SLC39A11: variants seen among roughly 807,000 people sequenced by gnomAD.
The protein encoded by SLC39A11 is solute carrier family 39 member 11, also known as zinc transporter ZIP11.
In SLC39A11, 33 loss-of-function variants were observed where a neutral mutation model predicts 36.1. That is an observed-to-expected ratio of 0.91 (90% CI 0.69 to 1.22). The LOEUF is 1.22. Among genes scored for constraint, SLC39A11 ranks in the 50% most tolerant of loss-of-function variants. The pLI, the probability that SLC39A11 is intolerant of heterozygous loss-of-function variation, is 0.00. For missense variants in SLC39A11, 432 were observed against 430.3 expected (o/e 1.00, Z -0.03); for synonymous variants, 166 against 170.3 (o/e 0.97, Z 0.20).
chr17:72,888,493 T>C (rs912806739), intron 5 of SLC39A11, among the ~76,000 whole-genome samples: 5 of 152,180 alleles, frequency 3.3e-5, no homozygotes, highest in Admixed American at 1.3e-4. Flanking sequence ...CTGGAACCTC[T>C]TCCCTGACCT....
chr17:73,025,324 G>T (rs1337952331), intron 4 of SLC39A11, among the ~76,000 whole-genome samples: 2 of 152,140 alleles, frequency 1.3e-5, no homozygotes, highest in Admixed American at 1.3e-4. Context: ...AGGAGGGGGA[G>T]GGGAGCACAC....
chr17:72,900,596 G>C (rs2082344076), intron 5 of SLC39A11, among the ~76,000 whole-genome samples: 1 of 152,052 alleles, frequency 6.6e-6, no homozygotes, highest in Non-Finnish European at 1.5e-5. Context: ...TACAGTCACT[G>C]ACTGCTGGGT....
At chr17:72,945,735 C>G (rs1356283517) in intron 5 of SLC39A11, among the ~76,000 whole-genome samples, 1 of 152,216 alleles carries the variant, frequency 6.6e-6, no homozygotes, top group Non-Finnish European at 1.5e-5. Flanking sequence ...ACACACCTCA[C>G]TCCGCTACCA....
At chr17:72,735,218 A>G (rs1199926224) in intron 7 of SLC39A11, among the ~76,000 whole-genome samples, 1 of 152,166 alleles carries the variant, frequency 6.6e-6, no homozygotes, top group Non-Finnish European at 1.5e-5. Flanking sequence ...GGCTTCATGG[A>G]GCAGGCACGC....
At chr17:72,865,592 C>T (rs1020347389) in intron 5 of SLC39A11, among the ~76,000 whole-genome samples, 16 of 151,514 alleles carry the variant, frequency 1.1e-4, no homozygotes, top group Non-Finnish European at 1.8e-4. Context: ...AAAAAAAATA[C>T]GCTCCCATGA....
chr17:72,807,734 A>G (rs2077307515), intron 6 of SLC39A11, among the ~76,000 whole-genome samples: 1 of 152,250 alleles, frequency 6.6e-6, no homozygotes, highest in Non-Finnish European at 1.5e-5. Context: ...CATCTCTTCC[A>G]TCTGGCTGTT....
At chr17:72,713,937 G>T (rs2073222076) in intron 7 of SLC39A11, among the ~76,000 whole-genome samples, 1 of 152,152 alleles carries the variant, frequency 6.6e-6, no homozygotes, top group South Asian at 2.1e-4. Context: ...GAAGTGAAAT[G>T]ACATTTCAAA....
At chr17:72,699,139 T>C (rs2072482788) in intron 7 of SLC39A11, among the ~76,000 whole-genome samples, 1 of 152,140 alleles carries the variant, frequency 6.6e-6, no homozygotes, top group South Asian at 2.1e-4. Context: ...GGAGGTTGGT[T>C]CTTTGGGAGG....
intron 4 of SLC39A11, among the ~76,000 whole-genome samples, chr17:72,950,629 T>C (rs1432093506): frequency 6.6e-6 from 1 of 152,212 alleles, no homozygotes; most frequent in Non-Finnish European, 1.5e-5. Flanking sequence ...TTGTCTTCTT[T>C]CTTTTTATAA....
intron 6 of SLC39A11, among the ~76,000 whole-genome samples, chr17:72,741,466 A>G (rs1307741249): frequency 6.6e-6 from 1 of 152,214 alleles, no homozygotes; most frequent in Non-Finnish European, 1.5e-5. Flanking sequence ...ACAGTAATCA[A>G]TGATAGACTA....
chr17:72,726,632 G>A (rs2073945364), intron 7 of SLC39A11, among the ~76,000 whole-genome samples: 1 of 152,188 alleles, frequency 6.6e-6, no homozygotes, highest in African/African-American at 2.4e-5. Context: ...ACTAGCTAAT[G>A]TTGATGAATG....
chr17:72,735,017 C>T (rs2074366590), intron 7 of SLC39A11, among the ~76,000 whole-genome samples: 2 of 152,140 alleles, frequency 1.3e-5, no homozygotes, highest in Admixed American at 1.3e-4. Context: ...TGTGACGAGT[C>T]ATCATTAGCC....
intron 4 of SLC39A11, among the ~76,000 whole-genome samples, chr17:72,959,610 G>C (rs540491800): frequency 6.6e-6 from 1 of 151,534 alleles, no homozygotes; most frequent in East Asian, 1.9e-4. Flanking sequence ...CTACAAACAG[G>C]GTGCTGTATA....
chr17:73,026,057 G>T (rs1012474585), intron 4 of SLC39A11, among the ~76,000 whole-genome samples: 1 of 151,896 alleles, frequency 6.6e-6, no homozygotes, highest in Non-Finnish European at 1.5e-5. Flanking sequence ...GGCGGAGGTC[G>T]CAATGAGCCA....
intron 3 of SLC39A11, among the ~76,000 whole-genome samples, chr17:73,051,299 AT>A (rs2059490455): frequency 6.6e-6 from 1 of 152,136 alleles, no homozygotes; most frequent in East Asian, 1.9e-4. Context: ...ACTTGATTAA[AT>A]TTCCATGACA....
chr17:72,836,365 G>C (rs2078545116), intron 6 of SLC39A11, among the ~76,000 whole-genome samples: 1 of 148,778 alleles, frequency 6.7e-6, no homozygotes, highest in Non-Finnish European at 1.5e-5. Flanking sequence ...TTTTGAGACA[G>C]GGTCTCGCTC....
chr17:72,714,270 C>A (rs1056729465), intron 7 of SLC39A11, among the ~76,000 whole-genome samples: 6 of 152,148 alleles, frequency 3.9e-5, no homozygotes, highest in African/African-American at 9.6e-5. Context: ...GCGGGAGGAT[C>A]GCTTGAACCT....
At chr17:72,887,026 T>C (rs139636173) in intron 5 of SLC39A11, among the ~76,000 whole-genome samples, 280 of 152,342 alleles carry the variant, frequency 1.8e-3, no homozygotes, top group African/African-American at 5.8e-3. Flanking sequence ...CCCAGTACCC[T>C]GCTTTTCTTT....
rs370299657 is a variant in SLC39A11 at position 73,037,646 on chromosome 17, C to T, written c.148-5932G>A. On this transcript the variant is annotated intron_variant, in intron 3 of 9. Coordinates refer to ENST00000255559, the MANE Select transcript of SLC39A11 (RefSeq NM_139177.4). Reference sequence around the variant, plus strand: ...CATCGCTGAAGACACCAGGTATAACCGTAAGGAGCTGATGGTTGGCATCTT... The same window carrying T: ...CATCGCTGAAGACACCAGGTATAACTGTAAGGAGCTGATGGTTGGCATCTT... Among the ~76,000 whole-genome samples the T allele has an allele frequency of 1.4e-3, 212 of 152,330 alleles. 1 individual carries two copies. The highest frequency in any genetic ancestry group is 5.0e-3 in the African/African-American group (207 of 41,568).
Sources: allele counts gnomAD v4.1 joint callset (sites outside exome capture counted in the v4.1 genomes callset), GRCh38; gene constraint gnomAD v4.1.1; transcripts MANE v1.5; gene names NCBI Gene and HGNC (gene_info 2026-07-23, HGNC 2026-07-21).